Variants in SYNPR observed in about 807,000 individuals in gnomAD.
SYNPR encodes the protein synaptoporin.
SYNPR carries 23 observed loss-of-function variants against 32.9 expected under a neutral mutation model. That is an observed-to-expected ratio of 0.70 (90% CI 0.50 to 0.99). The LOEUF (loss-of-function observed/expected upper bound fraction) is 0.99. SYNPR is among the 50% of genes least tolerant of loss of function. SYNPR has a pLI of 0.00. For missense variants in SYNPR, 318 were observed against 349.3 expected, an observed-to-expected ratio of 0.91 and a Z score of 0.71; for synonymous variants, 146 against 135.9, an observed-to-expected ratio of 1.07 and a Z score of -0.52.
intron 2 of SYNPR, among the ~76,000 whole-genome samples, chr3:63,414,881 A>G (rs561911117): frequency 7.0e-4 from 106 of 152,286 alleles, no homozygotes; most frequent in African/African-American, 2.4e-3. Context: ...ACCACTTTCT[A>G]ACTTACAGTA....
At chr3:63,536,933 G>A (rs1303236155) in intron 3 of SYNPR, among the ~76,000 whole-genome samples, 1 of 151,972 alleles carries the variant, frequency 6.6e-6, no homozygotes, top group African/African-American at 2.4e-5. Flanking sequence ...GAATTTCCAG[G>A]GCTGAGGGAT....
intron 2 of SYNPR, among the ~76,000 whole-genome samples, chr3:63,377,818 AT>A (rs1321269904): frequency 6.6e-6 from 1 of 152,064 alleles, no homozygotes; most frequent in Admixed American, 6.6e-5. Context: ...TATAATGGAA[AT>A]TAGGAGAGTA....
chr3:63,404,299 G>C (rs190572035), intron 2 of SYNPR, among the ~76,000 whole-genome samples: 12 of 152,190 alleles, frequency 7.9e-5, no homozygotes, highest in African/African-American at 2.9e-4. Flanking sequence ...TAAAAGAAGA[G>C]AGCAGCCTGT....
chr3:63,364,375 C>G (rs1203207420), intron 2 of SYNPR, among the ~76,000 whole-genome samples: 1 of 152,034 alleles, frequency 6.6e-6, no homozygotes, highest in East Asian at 1.9e-4. Context: ...CAATTCACAG[C>G]CAAATTGTAG....
intron 2 of SYNPR, among the ~76,000 whole-genome samples, chr3:63,469,185 T>G (rs1323075217): frequency 1.3e-5 from 2 of 152,162 alleles, no homozygotes; most frequent in Non-Finnish European, 2.9e-5. Flanking sequence ...CTGAGGCCTA[T>G]TCTAAAGTAT....
chr3:63,450,194 T>C (rs562658601), intron 2 of SYNPR, among the ~76,000 whole-genome samples: 1 of 152,114 alleles, frequency 6.6e-6, no homozygotes, highest in Non-Finnish European at 1.5e-5. Context: ...TCACGGAATG[T>C]AGAGTGATTA....
At chr3:63,520,151 T>C (rs1168716345) in intron 3 of SYNPR, among the ~76,000 whole-genome samples, 3 of 152,244 alleles carry the variant, frequency 2.0e-5, no homozygotes, top group Non-Finnish European at 4.4e-5. Flanking sequence ...GTCCCACACA[T>C]AAGTCATGAA....
intron 3 of SYNPR, among the ~76,000 whole-genome samples, chr3:63,550,732 CAAGCGCAGAT>C (rs1702486097): frequency 6.6e-6 from 1 of 152,204 alleles, no homozygotes; most frequent in Admixed American, 6.5e-5. Flanking sequence ...TGGAAACTAT[CAAGCGCAGAT>C]AATTGCAACA....
At chr3:63,240,142 A>T (rs1052290480) in intron 1 of SYNPR, among the ~76,000 whole-genome samples, 2 of 152,136 alleles carry the variant, frequency 1.3e-5, no homozygotes, top group Non-Finnish European at 2.9e-5. Flanking sequence ...TTGAAAATAT[A>T]AAACACATTA....
chr3:63,609,352 C>G (rs371121771), intron 5 of SYNPR, 36 bp downstream of exon 5: 1 of 1,439,616 alleles, frequency 6.9e-7, no homozygotes, highest in Non-Finnish European at 9.2e-7. Context: ...CTGTTCATAT[C>G]TTTGTTTGCC....
intron 2 of SYNPR, among the ~76,000 whole-genome samples, chr3:63,312,252 A>G (rs1049716055): frequency 7.9e-5 from 12 of 152,012 alleles, no homozygotes; most frequent in African/African-American, 2.7e-4. Flanking sequence ...TCCAAGATAT[A>G]TGCATATGAT....
At chr3:63,530,453 T>C (rs761830094) in intron 3 of SYNPR, among the ~76,000 whole-genome samples, 7 of 152,192 alleles carry the variant, frequency 4.6e-5, no homozygotes, top group Non-Finnish European at 1.0e-4. Flanking sequence ...CTTCTGTATA[T>C]TGAGGAATAA....
chr3:63,236,190 T>C (rs1176047143), intron 1 of SYNPR, among the ~76,000 whole-genome samples: 4 of 152,104 alleles, frequency 2.6e-5, no homozygotes, highest in African/African-American at 7.2e-5. Context: ...GGGTCTTTTG[T>C]ACGGGTATAG....
chr3:63,507,009 A>G (rs1701601127), intron 3 of SYNPR, among the ~76,000 whole-genome samples: 1 of 152,058 alleles, frequency 6.6e-6, no homozygotes, highest in Admixed American at 6.6e-5. Flanking sequence ...ACCCACTGCT[A>G]CTCAGCCCTA....
At position 63,472,654 on chromosome 3, in the gene SYNPR, T is replaced by C. The variant is rs573024958; in HGVS notation, c.85-8178T>C. ...TGGGGAATACAAAGATGCTGAAGCA[T>C]GGTCCTGTTGGCAAAGGATTTGCCT... On this transcript the variant is annotated intron_variant, in intron 2 of 5. Coordinates refer to ENST00000478300, the MANE Select transcript of SYNPR (RefSeq NM_001130003.2). Among the ~76,000 whole-genome samples, 125 of 152,274 alleles carry C rather than the reference T, an allele frequency of 8.2e-4. 1 individual carries two copies. Among genetic ancestry groups the C allele is most frequent in the African/African-American group, 2.9e-3 (122 of 41,550 alleles).
At chr3:63,380,664 G>A (rs943121581) in intron 2 of SYNPR, among the ~76,000 whole-genome samples, 9 of 152,060 alleles carry the variant, frequency 5.9e-5, no homozygotes, top group African/African-American at 2.2e-4. Context: ...TAAAATACTG[G>A]CAAACCGAAT....
intron 2 of SYNPR, among the ~76,000 whole-genome samples, chr3:63,437,422 GT>G (rs1274014297): frequency 6.6e-6 from 1 of 152,070 alleles, no homozygotes; most frequent in Admixed American, 6.6e-5. Context: ...GAATCCACCT[GT>G]TTGTGTTAGT....
chr3:63,359,941 A>G (rs960558978), intron 2 of SYNPR, among the ~76,000 whole-genome samples: 1 of 152,232 alleles, frequency 6.6e-6, no homozygotes, highest in African/African-American at 2.4e-5. Context: ...TAGACTCAGA[A>G]AGAATCAGAA....
At chr3:63,595,742 TATATA>T (rs1699930043) in intron 4 of SYNPR, among the ~76,000 whole-genome samples, 1 of 47,004 alleles carries the variant, frequency 2.1e-5, no homozygotes, top group Non-Finnish European at 3.1e-5. Context: ...TATATATATA[TATATA>T]TATATATATA....
Sources: allele counts gnomAD v4.1 joint callset (sites outside exome capture counted in the v4.1 genomes callset), GRCh38; gene constraint gnomAD v4.1.1; transcripts MANE v1.5; gene names NCBI Gene and HGNC (gene_info 2026-07-23, HGNC 2026-07-21).